Variants in SAMD5 observed in about 807,000 individuals in gnomAD.
SAMD5 encodes sterile alpha motif domain containing 5.
Under a neutral mutation model 11.3 loss-of-function variants are expected in SAMD5, and 13 were observed. The ratio of observed to expected loss-of-function variants is 1.15; its 90% confidence interval spans 0.75 to 1.83. The LOEUF is 1.83. SAMD5 is among the 40% of genes most tolerant of loss of function. The probability of loss-of-function intolerance (pLI) is 0.00; values close to 1 mark genes in which losing one functional copy is unlikely to be tolerated. For synonymous variants in SAMD5, 129 were observed against 111.3 expected (o/e 1.16, Z -1.00); for missense variants, 255 against 239.1 (o/e 1.07, Z -0.44).
At chr6:147,650,917 C>A (rs1790474306) in intron 1 of SAMD5, among the ~76,000 whole-genome samples, 1 of 151,798 alleles carries the variant, frequency 6.6e-6, no homozygotes, top group Non-Finnish European at 1.5e-5. Flanking sequence ...GGCTTTTAGG[C>A]ATATTTAAAG....
At position 147,508,898 on chromosome 6, in the gene SAMD5, G is replaced by T; in HGVS notation, c.-31G>T. On this transcript the variant is annotated 5_prime_UTR_variant, in exon 1 of 2. In the 5' UTR this introduces an upstream ATG that the reference lacks. Transcript: ENST00000367474. ...GCCCGTGCCATTTGGGCGCTGGGAA[G>T]GTGCTCGGCGGCGGGGTTCCCGGTC... 1 of 1,583,124 alleles carries T rather than the reference G, an allele frequency of 6.3e-7. No homozygotes were observed.
At chr6:147,571,669 T>C (rs975318099), downstream of SAMD5, among the ~76,000 whole-genome samples, 14 of 152,222 alleles carry the variant, frequency 9.2e-5, no homozygotes, top group African/African-American at 3.4e-4. Context: ...ATATTCAGTG[T>C]ACATTGTTTT....
At chr6:147,818,606 C>T in the SAMD5 span, among the ~76,000 whole-genome samples, 1 of 152,170 alleles carries the variant, frequency 6.6e-6, no homozygotes. Context: ...TTTCTGTAAT[C>T]ATCCAACACT....
At chr6:147,741,717 T>A (rs1791881905), downstream of SAMD5, 1 of 152,152 alleles carries the variant, frequency 6.6e-6, no homozygotes, top group Admixed American at 6.5e-5. Context: ...GAACCTTGAA[T>A]ATATGGAAAA....
chr6:147,893,294 C>T, the SAMD5 span, among the ~76,000 whole-genome samples: 1 of 151,764 alleles, frequency 6.6e-6, no homozygotes, highest in African/African-American at 2.4e-5. Flanking sequence ...CCCCATTTTA[C>T]CTATGAGGAA....
chr6:147,908,139 G>A, the SAMD5 span, among the ~76,000 whole-genome samples: 178 of 152,212 alleles, frequency 1.2e-3, no homozygotes, highest in African/African-American at 3.9e-3. Context: ...CTGCCCCTAA[G>A]CTGTTTAAAA....
At chr6:147,926,020 T>C in the SAMD5 span, among the ~76,000 whole-genome samples, 2 of 152,250 alleles carry the variant, frequency 1.3e-5, no homozygotes, top group African/African-American at 4.8e-5. Flanking sequence ...CATGATCTTG[T>C]TCTTTTTTAT....
chr6:147,726,039 C>T (rs1791622129), intron 1 of SAMD5, among the ~76,000 whole-genome samples: 1 of 152,194 alleles, frequency 6.6e-6, no homozygotes, highest in Non-Finnish European at 1.5e-5. Context: ...AACGAAATTA[C>T]TTCTTTTCCT....
the SAMD5 span, among the ~76,000 whole-genome samples, chr6:147,783,937 A>G: frequency 1.3e-5 from 2 of 152,162 alleles, no homozygotes; most frequent in Non-Finnish European, 2.9e-5. Flanking sequence ...CTTCTGGGCC[A>G]TACCTGTGCC....
At chr6:147,708,361 A>G (rs1350442102) in intron 1 of SAMD5, among the ~76,000 whole-genome samples, 1 of 152,202 alleles carries the variant, frequency 6.6e-6, no homozygotes. Context: ...CCCTGTTGAC[A>G]CCTTGATTCT....
intron 1 of SAMD5, among the ~76,000 whole-genome samples, chr6:147,698,803 A>T (rs1214099862): frequency 4.6e-5 from 7 of 152,196 alleles, no homozygotes; most frequent in African/African-American, 1.4e-4. Context: ...TATCATGGAG[A>T]TTAAACAGGA....
the SAMD5 span, among the ~76,000 whole-genome samples, chr6:147,797,250 C>G: frequency 6.9e-6 from 1 of 145,066 alleles, no homozygotes; most frequent in African/African-American, 2.7e-5. Flanking sequence ...CCATCAATAC[C>G]TAATTTATTG....
rs981814399 is a variant in SAMD5, at chr6:147,657,364, C to T, written c.163-79953C>T. Reference sequence around the variant, plus strand: ...ACTGTGGCCATGTAAGATAATAGCCCTATTCTTGGAGGGTAGAGAGCTTGG... The same window carrying T: ...ACTGTGGCCATGTAAGATAATAGCCTTATTCTTGGAGGGTAGAGAGCTTGG... On this transcript the variant is annotated intron_variant, in intron 1 of 1. Transcript: ENST00000566741. Among the ~76,000 whole-genome samples, 7 of 151,980 alleles carry T rather than the reference C, an allele frequency of 4.6e-5. No individual in the cohort carries two copies. The South Asian group carries it at 6.2e-4, about 14-fold the overall frequency.
chr6:147,647,418 AG>A (rs1391481964), intron 1 of SAMD5, among the ~76,000 whole-genome samples: 18 of 151,102 alleles, frequency 1.2e-4, no homozygotes, highest in African/African-American at 4.1e-4. Flanking sequence ...AGCTTGAAAG[AG>A]GGGGGTTTGA....
At chr6:147,561,188 T>C (rs112999643) in intron 1 of SAMD5, among the ~76,000 whole-genome samples, 64 of 152,192 alleles carry the variant, frequency 4.2e-4, no homozygotes, top group African/African-American at 1.5e-3. Flanking sequence ...CTTTTATGAA[T>C]TTATTTATTT....
the SAMD5 span, among the ~76,000 whole-genome samples, chr6:147,877,936 T>TTTTTTTTTTTCTTTTTG: frequency 2.6e-3 from 215 of 83,958 alleles, 5 homozygotes; most frequent in African/African-American, 7.5e-3. Context: ...GATAGATAGA[T>TTTTTTTTTTTCTTTTTG]AGATAGATAG....
chr6:147,787,563 T>A, the SAMD5 span, among the ~76,000 whole-genome samples: 1 of 152,194 alleles, frequency 6.6e-6, no homozygotes, highest in African/African-American at 2.4e-5. Context: ...AGTCCTGAAT[T>A]GTCACTGACA....
chr6:147,860,093 G>C, the SAMD5 span, among the ~76,000 whole-genome samples: 2 of 152,178 alleles, frequency 1.3e-5, no homozygotes, highest in African/African-American at 4.8e-5. Flanking sequence ...CTGAAATCAA[G>C]TTGCCAGCAG....
At chr6:147,545,783 G>GT (rs1473398836) in intron 1 of SAMD5, among the ~76,000 whole-genome samples, 2 of 151,940 alleles carry the variant, frequency 1.3e-5, no homozygotes, top group African/African-American at 2.4e-5. Context: ...ACATAAATCA[G>GT]GTTATATACC....
Sources: allele counts gnomAD v4.1 joint callset (sites outside exome capture counted in the v4.1 genomes callset), GRCh38; gene constraint gnomAD v4.1.1; transcripts MANE v1.5; gene names NCBI Gene and HGNC (gene_info 2026-07-23, HGNC 2026-07-21).